Variants in CAST observed in about 807,000 individuals in gnomAD.
CAST encodes the protein calpastatin.
In CAST, 76 loss-of-function variants were observed where a neutral mutation model predicts 119.6. The ratio of observed to expected loss-of-function variants is 0.64; its 90% CI spans 0.53 to 0.77. The LOEUF (loss-of-function observed/expected upper bound fraction) is 0.77, where lower values mean the gene tolerates loss of function less well. Ranked by LOEUF, CAST falls within the 30% of genes least tolerant of loss-of-function variation. CAST has a pLI of 0.00. For missense variants in CAST, 953 were observed against 946.5 expected, an observed-to-expected ratio of 1.01 and a Z score of -0.09; for synonymous variants, 319 against 331.6, an observed-to-expected ratio of 0.96 and a Z score of 0.41.
chr5:96,338,255 C>T, the CAST span, among the ~76,000 whole-genome samples: 1 of 152,200 alleles, frequency 6.6e-6, no homozygotes, highest in Non-Finnish European at 1.5e-5. Context: ...CTTCAAATTT[C>T]AGTTTCAAAT....
chr5:96,522,115 C>CAA (rs113441232), upstream of CAST, among the ~76,000 whole-genome samples: 1 of 133,920 alleles, frequency 7.5e-6, no homozygotes, highest in Non-Finnish European at 1.6e-5. Flanking sequence ...GACTCTGTCT[C>CAA]AAAAAAAAAA....
chr5:96,413,355 C>T, the CAST span, among the ~76,000 whole-genome samples: 2 of 152,162 alleles, frequency 1.3e-5, no homozygotes, highest in African/African-American at 4.8e-5. Flanking sequence ...AGATTACAGG[C>T]AGCTACCTGG....
At chr5:96,489,517 A>C in the CAST span, among the ~76,000 whole-genome samples, 2 of 152,364 alleles carry the variant, frequency 1.3e-5, no homozygotes, top group South Asian at 2.1e-4. Context: ...CATATGCTAC[A>C]CAAATCCATA....
intron 1 of CAST, among the ~76,000 whole-genome samples, chr5:96,599,504 T>C (rs1747107341): frequency 6.6e-6 from 1 of 152,220 alleles, no homozygotes; most frequent in Non-Finnish European, 1.5e-5. Flanking sequence ...AATAAGAACC[T>C]GGAAGTCTTA....
chr5:96,593,213 C>T (rs1025677356), intron 1 of CAST, among the ~76,000 whole-genome samples: 5 of 152,240 alleles, frequency 3.3e-5, no homozygotes, highest in East Asian at 1.9e-4. Flanking sequence ...TGTCACCCTA[C>T]GAACATGCTC....
the CAST span, among the ~76,000 whole-genome samples, chr5:96,291,840 C>CTGTG: frequency 7.3e-5 from 6 of 82,654 alleles, no homozygotes; most frequent in African/African-American, 2.2e-4. Flanking sequence ...GATTCCCAGT[C>CTGTG]TGCGTGTGTG....
At chr5:96,421,117 G>A in the CAST span, among the ~76,000 whole-genome samples, 1 of 152,214 alleles carries the variant, frequency 6.6e-6, no homozygotes, top group African/African-American at 2.4e-5. Context: ...CATGCCTAGA[G>A]CGTGAAGTTT....
At chr5:96,727,450 TCTTC>T (rs771808741) in intron 5 of CAST, 35 bp from the exon 6 acceptor site, 9 of 1,166,904 alleles carry the variant, frequency 7.7e-6, no homozygotes, top group Non-Finnish European at 9.8e-6. Flanking sequence ...ATCTTTCTTT[TCTTC>T]CTTCCTTTTT....
At chr5:96,420,653 G>C in the CAST span, among the ~76,000 whole-genome samples, 1 of 151,684 alleles carries the variant, frequency 6.6e-6, no homozygotes, top group Non-Finnish European at 1.5e-5. Flanking sequence ...TTGGCTTTCT[G>C]GAGGGAAGAC....
At chr5:96,654,027 C>CTTTTTT (rs71617134) in intron 1 of CAST, among the ~76,000 whole-genome samples, 3 of 126,954 alleles carry the variant, frequency 2.4e-5, no homozygotes, top group Non-Finnish European at 3.4e-5. Flanking sequence ...CTTTTCTTTT[C>CTTTTTT]TTTTTTTTTT....
chr5:96,144,937 C>T, the CAST span, among the ~76,000 whole-genome samples: 2 of 152,062 alleles, frequency 1.3e-5, no homozygotes, highest in Admixed American at 6.5e-5. Flanking sequence ...TAGAGAGATA[C>T]GGGTATGCTC....
At chr5:96,669,375 G>C (rs1749774306) in intron 1 of CAST, among the ~76,000 whole-genome samples, 1 of 152,146 alleles carries the variant, frequency 6.6e-6, no homozygotes, top group South Asian at 2.1e-4. Flanking sequence ...TTACTGATCT[G>C]AAAAGAGCAA....
chr5:96,735,584 C>G (rs562323807), intron 9 of CAST, among the ~76,000 whole-genome samples: 1 of 152,156 alleles, frequency 6.6e-6, no homozygotes, highest in Non-Finnish European at 1.5e-5. Context: ...AGAATGGTGC[C>G]GAAAGGTGGC....
chr5:96,553,837 C>T (rs1561414406), intron 1 of CAST, among the ~76,000 whole-genome samples: 1 of 152,108 alleles, frequency 6.6e-6, no homozygotes, highest in South Asian at 2.1e-4. Context: ...GCTAGGAATC[C>T]AACTTACAAG....
At chr5:96,403,084 C>T in the CAST span, among the ~76,000 whole-genome samples, 2 of 152,082 alleles carry the variant, frequency 1.3e-5, no homozygotes, top group Non-Finnish European at 2.9e-5. Flanking sequence ...ACTGAGGAGG[C>T]TTAAGGCAAG....
At chr5:96,102,346 A>C in the CAST span, among the ~76,000 whole-genome samples, 1 of 152,108 alleles carries the variant, frequency 6.6e-6, no homozygotes, top group Non-Finnish European at 1.5e-5. Context: ...TCTTCTCCGA[A>C]GTTAAGCCCT....
At chr5:96,564,316 C>T (rs754249457) in intron 1 of CAST, among the ~76,000 whole-genome samples, 2 of 152,114 alleles carry the variant, frequency 1.3e-5, no homozygotes, top group African/African-American at 2.4e-5. Context: ...CTCAATATAT[C>T]GATTCCAGAA....
the CAST span, among the ~76,000 whole-genome samples, chr5:96,325,015 G>A: frequency 6.6e-6 from 1 of 152,104 alleles, no homozygotes; most frequent in South Asian, 2.1e-4. Context: ...GACTAGCCTT[G>A]CCAACATGGT....
chr5:96,371,468 C>G, the CAST span, among the ~76,000 whole-genome samples: 192 of 152,342 alleles, frequency 1.3e-3, 1 homozygote, highest in Non-Finnish European at 1.9e-3. Context: ...TTCCTGCCCT[C>G]TCTACCTTTC....
Sources: allele counts gnomAD v4.1 joint callset (sites outside exome capture counted in the v4.1 genomes callset), GRCh38; gene constraint gnomAD v4.1.1; transcripts MANE v1.5; gene names NCBI Gene and HGNC (gene_info 2026-07-23, HGNC 2026-07-21).